GAS6: variants seen among roughly 807,000 people sequenced by gnomAD.
GAS6 encodes growth arrest specific 6, also known as growth arrest-specific protein 6.
Under a neutral mutation model 75.8 loss-of-function variants are expected in GAS6, and 41 were observed. That is an observed-to-expected ratio of 0.54 (90% CI 0.42 to 0.70). The LOEUF (loss-of-function observed/expected upper bound fraction) is 0.70, where lower values mean the gene tolerates loss of function less well. Ranked by LOEUF, GAS6 falls within the 30% of genes least tolerant of loss-of-function variation. GAS6 has a pLI of 0.00. For missense variants in GAS6, 854 were observed against 940.2 expected, an observed-to-expected ratio of 0.91 and a Z score of 1.20; for synonymous variants, 432 against 412.6, an observed-to-expected ratio of 1.05 and a Z score of -0.57.
chr13:113,842,297 G>A (rs1228434168), intron 4 of GAS6: 3 of 278,420 alleles, frequency 1.1e-5, no homozygotes, highest in East Asian at 5.8e-5. Flanking sequence ...GGGTGTGGAC[G>A]GAGCTCGCGT....
In GAS6 at chr13:113,820,725, A is replaced by C; in HGVS notation, c.*139T>G. The C allele has an allele frequency of 9.8e-7, 1 of 1,021,788 alleles. No individual in the cohort carries two copies. Among genetic ancestry groups the C allele is most frequent in the Non-Finnish European group, 1.4e-6 (1 of 721,684 alleles). The allele number at this position is 1,021,788 out of a possible 1,614,324, so 63.3% of individuals were successfully genotyped here. ...TCAGAGGCCCCAAGTCCATCTCACT[A>C]TTTACAGATATGTTACAGGCCGGGA... On this transcript the variant is annotated 3_prime_UTR_variant, in exon 15 of 15. Transcript: ENST00000327773.
intron 4 of GAS6, chr13:113,840,562 G>A (rs1490410335): frequency 6.6e-6 from 1 of 152,240 alleles, no homozygotes; most frequent in Non-Finnish European, 1.5e-5. Flanking sequence ...TTCATACGAG[G>A]AGCTGCTCAC....
rs781199069 is a variant in GAS6, at chr13:113,848,433, T to C, written c.256-383A>G. Among the ~76,000 whole-genome samples the C allele has an allele frequency of 1.3e-5, 2 of 152,210 alleles. No homozygotes were observed. Among genetic ancestry groups the C allele is most frequent in the Non-Finnish European group, 2.9e-5 (2 of 68,032 alleles). On this transcript the variant is annotated intron_variant, in intron 2 of 14. Transcript: ENST00000327773. The surrounding 1 kb of genome is among the most constrained non-coding windows in gnomAD (Gnocchi z 4.8). Reference sequence around the variant, plus strand: ...AGACCTTTCTTTTGGCACACGGGCATTGATTTGCACTTATAGTATTGGTGA... The same window carrying C: ...AGACCTTTCTTTTGGCACACGGGCACTGATTTGCACTTATAGTATTGGTGA...
At chr13:113,823,085 T>C (rs1358484272) in intron 13 of GAS6, 1 of 355,818 alleles carries the variant, frequency 2.8e-6, no homozygotes, top group Non-Finnish European at 5.1e-6. Context: ...TTCAGATTGC[T>C]GTGAGCCACC....
At chr13:113,839,951 C>T (rs1235555623) in intron 4 of GAS6, 101 bp from the exon 5 acceptor site, 31 of 1,571,828 alleles carry the variant, frequency 2.0e-5, no homozygotes, top group East Asian at 6.7e-5. Context: ...GGGTCCAGCC[C>T]GGAGGAGCTC....
chr13:113,833,482 C>T (rs923296156), intron 8 of GAS6: 2 of 990,782 alleles, frequency 2.0e-6, no homozygotes, highest in Non-Finnish European at 2.4e-6. Flanking sequence ...TCACTCTCAT[C>T]AACCCCCAGG....
chr13:113,839,922 G>C (rs895627578), intron 4 of GAS6, 72 bp from the exon 5 acceptor site: 2 of 1,606,984 alleles, frequency 1.2e-6, no homozygotes, highest in Non-Finnish European at 1.7e-6. Context: ...AGCTGAGATC[G>C]GGGCGGCTGT....
At chr13:113,856,915 C>A (rs1363371212) in intron 2 of GAS6, among the ~76,000 whole-genome samples, 1 of 152,218 alleles carries the variant, frequency 6.6e-6, no homozygotes, top group Non-Finnish European at 1.5e-5. Flanking sequence ...GTACTGTGGA[C>A]AGTTGGTCCT....
chr13:113,838,339 C>A, intron 5 of GAS6, 148 bp from the exon 6 acceptor site: 1 of 923,522 alleles, frequency 1.1e-6, no homozygotes, highest in Non-Finnish European at 1.6e-6. Flanking sequence ...GAGAGAGATC[C>A]CAAAGGTGCA....
intron 5 of GAS6, 109 bp downstream of exon 5, chr13:113,839,619 C>G (rs1052454398): frequency 7.0e-7 from 1 of 1,436,200 alleles, no homozygotes; most frequent in Non-Finnish European, 9.5e-7. Context: ...TTGGGGCTGT[C>G]GGAGAGCAGC....
chr13:113,864,011 CG>C lies in GAS6; in HGVS notation c.-92del, dbSNP rs2051996146. On this transcript the variant is annotated 5_prime_UTR_variant, in exon 1 of 15. Transcript: ENST00000327773. ...GGAGGCTCCGGTCATCCCGTCCTGG[CG>C]GCCCTGAAGGTCACATCGCGGCGGC... 1 of 1,018,154 alleles carries C rather than the reference CG, an allele frequency of 9.8e-7. No individual in the cohort carries two copies. Among genetic ancestry groups the C allele is most frequent in the Non-Finnish European group, 1.2e-6 (1 of 854,466 alleles). The allele number at this position is 1,018,154 out of a possible 1,614,324, so 63.1% of individuals were successfully genotyped here.
At chr13:113,835,809 G>A (rs1174752288) in intron 6 of GAS6, 174 bp from the exon 7 acceptor site, 15 of 1,429,226 alleles carry the variant, frequency 1.0e-5, no homozygotes, top group East Asian at 2.5e-5. Context: ...GGCAGCTCCC[G>A]GGGTGTTGGT....
At chr13:113,822,775 G>A (rs912901113) in intron 13 of GAS6, 1 of 153,822 alleles carries the variant, frequency 6.5e-6, no homozygotes, top group African/African-American at 2.4e-5. Flanking sequence ...GAGCCTCTCT[G>A]GTTTGACCCA....
At chr13:113,823,988 G>A (rs1185566522) in intron 12 of GAS6, among the ~76,000 whole-genome samples, 1 of 152,216 alleles carries the variant, frequency 6.6e-6, no homozygotes, top group African/African-American at 2.4e-5. Context: ...GCCCAGTGGG[G>A]GCTGAGAGTT....
chr13:113,842,760 G>GC (rs2051799697), intron 4 of GAS6: 1 of 397,040 alleles, frequency 2.5e-6, no homozygotes, highest in South Asian at 1.3e-4. Context: ...GCTGTGCGCT[G>GC]CCGCTACGAT....
rs2051849555 is a variant in GAS6, at chr13:113,848,307, T to G, written c.256-257A>C. On this transcript the variant is annotated intron_variant, in intron 2 of 14. Coordinates refer to ENST00000327773, the MANE Select transcript of GAS6 (RefSeq NM_000820.4). This position sits in a 1 kb window ranked among gnomAD's most constrained non-coding sequence, Gnocchi z 4.8. Reference sequence around the variant, plus strand: ...GGCCTGCCCAGGAGGACAAGAATGCTTCCAAGTAAAACCCCACTCTTAGTT... The same window carrying G: ...GGCCTGCCCAGGAGGACAAGAATGCGTCCAAGTAAAACCCCACTCTTAGTT... Among the ~76,000 whole-genome samples, 1 of 152,088 alleles carries G rather than the reference T, an allele frequency of 6.6e-6. No individual in the cohort carries two copies. The highest frequency in any genetic ancestry group is 1.5e-5 in the Non-Finnish European group (1 of 68,012).
chr13:113,835,604 G>T lies in GAS6; in HGVS notation c.621C>A (p.Cys207Ter). 6.2e-7 allele frequency: 1 copy of T among 1,612,294 alleles called. No homozygotes were observed. The highest frequency in any genetic ancestry group is 2.2e-5 in the East Asian group (1 of 44,872). ...DIDECADSEA[C>*]GEARCKNLPG... The stretch of plus-strand genomic sequence containing the variant: ...GCAGGTTCTTGCAGCGCGCCTCCCC[G>T]CAGGCCTCCGAGTCTGCGCACTCGT... Residue 207 changes from cysteine (C) to a stop codon, truncating the protein, a stop_gained, in exon 7 of 15, where the codon TGC (cysteine) becomes TGA (stop). Coordinates refer to ENST00000327773, the MANE Select transcript of GAS6 (RefSeq NM_000820.4). LOFTEE classifies it high-confidence loss of function.
intron 2 of GAS6, among the ~76,000 whole-genome samples, chr13:113,852,603 G>A (rs1442764425): frequency 6.6e-6 from 1 of 152,204 alleles, no homozygotes; most frequent in African/African-American, 2.4e-5. Context: ...TGCTCAGGAG[G>A]GCAGTGGGTG....
rs1481482057 is a variant in GAS6, at chr13:113,837,343, C to A, written c.589+726G>T. Among the ~76,000 whole-genome samples the A allele has an allele frequency of 6.6e-6, 1 of 152,096 alleles. No homozygotes were observed. The highest frequency in any genetic ancestry group is 1.5e-5 in the Non-Finnish European group (1 of 68,008). On this transcript the variant is annotated intron_variant, in intron 6 of 14. Transcript: ENST00000327773. This position sits in a 1 kb window ranked among gnomAD's most constrained non-coding sequence, Gnocchi z 5.1. The stretch of plus-strand genomic sequence containing the variant: ...GATCCTGGGGCTGTTTCTCCCTGAG[C>A]AACTGTCTGTCCTGTCCACGCAGTT...
Sources: gnomAD v4.1 joint callset for allele counts (sites outside exome capture counted in the v4.1 genomes callset) on GRCh38, gnomAD v4.1.1 for gene constraint, Gnocchi (gnomAD v3.1) non-coding constraint, MANE v1.5 for transcripts, NCBI Gene and HGNC (gene_info 2026-07-23, HGNC 2026-07-21) for gene names.